PRKCE: variants seen among roughly 807,000 people sequenced by gnomAD.
The protein encoded by PRKCE is protein kinase C epsilon type.
In PRKCE, 16 loss-of-function variants were observed where a neutral mutation model predicts 85.4. The ratio of observed to expected loss-of-function variants is 0.19; its 90% confidence interval spans 0.13 to 0.28. The LOEUF (loss-of-function observed/expected upper bound fraction) is 0.28, where lower values mean the gene tolerates loss of function less well. Ranked by LOEUF, PRKCE falls within the 10% of genes least tolerant of loss-of-function variation. PRKCE has a pLI of 1.00. For missense variants in PRKCE, 573 were observed against 975.2 expected (o/e 0.59, Z 5.49); for synonymous variants, 388 against 371.5 (o/e 1.04, Z -0.51).
chr2:45,652,183 C>G lies in PRKCE; in HGVS notation c.83C>G (p.Ala28Gly). ...LKPTAWSLRHAVGPRPQTFLL... is the reference protein window; with the variant it reads ...LKPTAWSLRHGVGPRPQTFLL... The stretch of plus-strand genomic sequence containing the variant: ...CCCACAGCCTGGTCGCTGCGCCATG[C>G]GGTGGGACCCCGGCCGCAGACTTTC... Residue 28 changes from alanine to glycine, a missense_variant, in exon 1 of 15, where the codon GCG becomes GGG. Transcript: ENST00000306156. The surrounding 1 kb of genome is among the most constrained non-coding windows in gnomAD (Gnocchi z 7.7). 1.2e-6 allele frequency: 2 copies of G among 1,613,164 alleles called. No homozygotes were observed. Among genetic ancestry groups the G allele is most frequent in the Non-Finnish European group, 1.7e-6 (2 of 1,179,692 alleles).
rs180708930 is a variant in PRKCE, at chr2:45,950,313, C to T, written c.413-26116C>T. Among the ~76,000 whole-genome samples the T allele has an allele frequency of 1.6e-3, 237 of 152,304 alleles. 4 individuals carry two copies. Among genetic ancestry groups the T allele is most frequent in the Admixed American group, 0.015 (235 of 15,298 alleles). ...TAACACTAGGAGTAAAAACAGATCA[C>T]TGCTTTATACACCAGACCATTTATT... On this transcript the variant is annotated intron_variant, in intron 2 of 14. Coordinates refer to ENST00000306156, the MANE Select transcript of PRKCE (RefSeq NM_005400.3).
chr2:46,154,864 C>G (rs1378738497), intron 13 of PRKCE, among the ~76,000 whole-genome samples: 1 of 151,492 alleles, frequency 6.6e-6, no homozygotes, highest in African/African-American at 2.4e-5. Context: ...TGTTTATTGT[C>G]TATTTCCTTC....
At chr2:46,108,204 C>G (rs576419723) in intron 11 of PRKCE, among the ~76,000 whole-genome samples, 21 of 152,286 alleles carry the variant, frequency 1.4e-4, no homozygotes, top group African/African-American at 4.6e-4. Flanking sequence ...AGCCTCCATG[C>G]CTGGCCTTAT....
At chr2:46,086,423 T>G in intron 11 of PRKCE, 61 bp downstream of exon 11, 1 of 1,550,088 alleles carries the variant, frequency 6.5e-7, no homozygotes, top group Non-Finnish European at 8.7e-7. Flanking sequence ...CTTCAGACAC[T>G]TGAACTGACT....
intron 1 of PRKCE, among the ~76,000 whole-genome samples, chr2:45,777,710 G>A (rs117510751): frequency 2.2e-4 from 33 of 152,242 alleles, no homozygotes; most frequent in Middle Eastern, 6.8e-3. Flanking sequence ...CATACGGTTC[G>A]GGAAAGAGTC....
intron 10 of PRKCE, among the ~76,000 whole-genome samples, chr2:46,039,240 T>C (rs894112718): frequency 6.6e-6 from 1 of 152,250 alleles, no homozygotes; most frequent in Non-Finnish European, 1.5e-5. Flanking sequence ...TGCTTTTAAT[T>C]ATGATTCTCT....
intron 3 of PRKCE, 101 bp downstream of exon 3, chr2:45,976,689 G>A (rs1702476359): frequency 1.5e-6 from 2 of 1,377,718 alleles, no homozygotes. Context: ...GAATGCTGGT[G>A]TGCCTCGTTT....
chr2:45,657,012 G>A (rs1393682485), intron 1 of PRKCE, among the ~76,000 whole-genome samples: 1 of 152,234 alleles, frequency 6.6e-6, no homozygotes, highest in African/African-American at 2.4e-5. Flanking sequence ...ACAGGGGTGG[G>A]AGGCAGGCGG....
chr2:45,979,958 G>C (rs1184391774), intron 4 of PRKCE, among the ~76,000 whole-genome samples: 1 of 152,132 alleles, frequency 6.6e-6, no homozygotes, highest in East Asian at 1.9e-4. Context: ...ACCTTTAATA[G>C]GCAGTGCTCC....
chr2:46,114,673 C>T (rs1334392838), intron 11 of PRKCE, among the ~76,000 whole-genome samples: 1 of 151,384 alleles, frequency 6.6e-6, no homozygotes, highest in Non-Finnish European at 1.5e-5. Context: ...CCCGCCTCAG[C>T]CTCCTAAAGT....
intron 11 of PRKCE, among the ~76,000 whole-genome samples, chr2:46,088,743 CA>C (rs771113687): frequency 4.4e-4 from 67 of 152,118 alleles, no homozygotes; most frequent in Non-Finnish European, 8.8e-4. Flanking sequence ...GTGCCAAGGA[CA>C]AGAAGAAAAA....
chr2:45,800,363 T>C (rs879709467), intron 1 of PRKCE, among the ~76,000 whole-genome samples: 16 of 152,206 alleles, frequency 1.1e-4, no homozygotes, highest in Non-Finnish European at 1.8e-4. Context: ...AGCCTCATGC[T>C]GGGGGGTCTG....
intron 1 of PRKCE, among the ~76,000 whole-genome samples, chr2:45,718,117 G>C (rs184348148): frequency 2.6e-3 from 394 of 152,242 alleles, no homozygotes; most frequent in African/African-American, 9.1e-3. Context: ...CTTTTCATTG[G>C]AGGAGGCTGT....
chr2:45,976,623 A>G (rs1343671990), intron 3 of PRKCE, 35 bp downstream of exon 3: 1 of 1,590,358 alleles, frequency 6.3e-7, no homozygotes, highest in Middle Eastern at 1.7e-4. Context: ...TAATTACAAC[A>G]TCTCTGTTAC....
intron 10 of PRKCE, among the ~76,000 whole-genome samples, chr2:46,061,768 T>A (rs6742708): frequency 0.095 from 14,457 of 152,176 alleles, 741 homozygotes; most frequent in East Asian, 0.16. Context: ...GAGCACGGTG[T>A]TTGCTTTCCT....
At chr2:46,059,926 A>T (rs1287291063) in intron 10 of PRKCE, among the ~76,000 whole-genome samples, 3 of 152,214 alleles carry the variant, frequency 2.0e-5, no homozygotes, top group Non-Finnish European at 4.4e-5. Context: ...ACTTCAAAGG[A>T]TATTGCACAT....
At chr2:45,656,253 A>G (rs1490049780) in intron 1 of PRKCE, among the ~76,000 whole-genome samples, 2 of 152,230 alleles carry the variant, frequency 1.3e-5, no homozygotes, top group African/African-American at 4.8e-5. Context: ...CTTTGTTCAC[A>G]TTAAAATAAA....
intron 2 of PRKCE, among the ~76,000 whole-genome samples, chr2:45,856,733 G>A (rs1692712032): frequency 6.6e-6 from 1 of 152,140 alleles, no homozygotes; most frequent in African/African-American, 2.4e-5. Flanking sequence ...GCCTCTGGTA[G>A]CCACTATTTT....
intron 1 of PRKCE, among the ~76,000 whole-genome samples, chr2:45,841,398 A>G (rs1272206444): frequency 6.6e-6 from 1 of 152,236 alleles, no homozygotes; most frequent in East Asian, 1.9e-4. Flanking sequence ...TAAGTCCAAG[A>G]GTCCAAAAGC....
Sources: allele counts gnomAD v4.1 joint callset (sites outside exome capture counted in the v4.1 genomes callset), GRCh38; gene constraint gnomAD v4.1.1; non-coding constraint Gnocchi (gnomAD v3.1); transcripts MANE v1.5; gene names NCBI Gene and HGNC (gene_info 2026-07-23, HGNC 2026-07-21).